The following DIPK1A variants were observed in gnomAD, a reference collection of about 807,000 sequenced individuals.
The protein encoded by DIPK1A is divergent protein kinase domain 1A, also known as family with sequence similarity 69 member A.
In DIPK1A, 27 loss-of-function variants were observed where a neutral mutation model predicts 40.8. The observed-to-expected ratio is 0.66, with a 90% CI of 0.49 to 0.91. The LOEUF (loss-of-function observed/expected upper bound fraction) is 0.91, where lower values mean the gene tolerates loss of function less well. Ranked by LOEUF, DIPK1A falls within the 40% of genes least tolerant of loss-of-function variation. The pLI is 0.00. For missense variants in DIPK1A, 412 were observed against 505.7 expected (o/e 0.81, Z 1.78); for synonymous variants, 166 against 171.3 (o/e 0.97, Z 0.24).
intron 1 of DIPK1A, among the ~76,000 whole-genome samples, chr1:92,961,144 AG>A (rs1652067232): frequency 6.8e-6 from 1 of 146,878 alleles, no homozygotes; most frequent in Admixed American, 6.8e-5. Context: ...CGGGCCCTGG[AG>A]CCCGGCTGGC....
chr1:92,914,254 T>A (rs922030660), intron 1 of DIPK1A, among the ~76,000 whole-genome samples: 2 of 151,988 alleles, frequency 1.3e-5, no homozygotes, highest in South Asian at 2.1e-4. Context: ...GAAAACATTT[T>A]AAAAATGTAA....
At chr1:92,834,677 A>G (rs1434557924) in intron 4 of DIPK1A, 60 of 1,481,066 alleles carry the variant, frequency 4.1e-5, no homozygotes, top group Non-Finnish European at 5.5e-5. Context: ...AGTGATGTTC[A>G]TCTGTGTCCA....
chr1:92,883,549 T>C (rs1648475399), intron 1 of DIPK1A, among the ~76,000 whole-genome samples: 3 of 152,208 alleles, frequency 2.0e-5, no homozygotes, highest in Admixed American at 2.0e-4. Context: ...TCTGAAGGAC[T>C]ATGTGGGTTG....
chr1:92,852,738 C>T (rs1047507113), intron 2 of DIPK1A, among the ~76,000 whole-genome samples: 3 of 151,900 alleles, frequency 2.0e-5, no homozygotes, highest in African/African-American at 7.3e-5. Flanking sequence ...GGATAAAACA[C>T]AGTAAGATTT....
intron 1 of DIPK1A, among the ~76,000 whole-genome samples, chr1:92,904,832 G>A (rs555131056): frequency 6.6e-6 from 1 of 151,678 alleles, no homozygotes; most frequent in African/African-American, 2.4e-5. Flanking sequence ...GTCTCTAATA[G>A]CCATCATTTT....
intron 1 of DIPK1A, among the ~76,000 whole-genome samples, chr1:92,934,565 G>C (rs558582034): frequency 6.6e-6 from 1 of 152,222 alleles, no homozygotes; most frequent in South Asian, 2.1e-4. Flanking sequence ...TACTTGCATA[G>C]TTCAAATGTA....
chr1:92,947,282 T>C (rs769982225), intron 1 of DIPK1A, among the ~76,000 whole-genome samples: 8 of 152,118 alleles, frequency 5.3e-5, no homozygotes, highest in Non-Finnish European at 7.4e-5. Flanking sequence ...TTTTTAAAAG[T>C]ATATAAGCTG....
At chr1:92,886,227 A>C (rs547597728) in intron 1 of DIPK1A, among the ~76,000 whole-genome samples, 9 of 152,082 alleles carry the variant, frequency 5.9e-5, no homozygotes, top group Middle Eastern at 3.4e-3. Flanking sequence ...AGGTACTTGG[A>C]AGGCTGAGGC....
chr1:92,843,795 A>G lies in DIPK1A; in HGVS notation c.875T>C (p.Met292Thr). ...VFHGPYGNFL[M>T]CDTSAKNLGY... ...TAGGTTTTTGGCACTAGTATCGCAC[A>G]TGAGGAAATTTCCGTAGGGGCCATG... Residue 292 changes from methionine to threonine, a missense_variant, in exon 5 of 5, where the codon ATG becomes ACG. By Grantham distance (81) the Met-to-Thr change is moderately conservative. Transcript: ENST00000370310. 2 of 1,551,924 alleles carry G rather than the reference A, an allele frequency of 1.3e-6. No homozygotes were observed. The highest frequency in any genetic ancestry group is 1.2e-5 in the South Asian group (1 of 84,058).
chr1:92,882,851 T>A (rs906188664), intron 1 of DIPK1A, among the ~76,000 whole-genome samples: 1 of 152,224 alleles, frequency 6.6e-6, no homozygotes, highest in African/African-American at 2.4e-5. Flanking sequence ...TTATATACAA[T>A]GTTCCTGAAA....
At chr1:92,844,334 T>A (rs2100707859) in intron 4 of DIPK1A, 139 bp from the exon 5 acceptor site, 1 of 622,044 alleles carries the variant, frequency 1.6e-6, no homozygotes, top group Non-Finnish European at 2.8e-6. Flanking sequence ...TAATGTATTA[T>A]ATCTCCAAAT....
At chr1:92,854,981 T>TG (rs1334367721) in intron 2 of DIPK1A, among the ~76,000 whole-genome samples, 1 of 151,650 alleles carries the variant, frequency 6.6e-6, no homozygotes, top group African/African-American at 2.4e-5. Flanking sequence ...CCACATTCTC[T>TG]GACCACATAT....
chr1:92,915,611 T>C (rs1650022300), intron 1 of DIPK1A, among the ~76,000 whole-genome samples: 1 of 152,194 alleles, frequency 6.6e-6, no homozygotes, highest in South Asian at 2.1e-4. Flanking sequence ...ACAAGCACTG[T>C]GTTAAGAACT....
chr1:92,915,545 T>C (rs772605409), intron 1 of DIPK1A, among the ~76,000 whole-genome samples: 2 of 152,180 alleles, frequency 1.3e-5, no homozygotes, highest in Non-Finnish European at 2.9e-5. Flanking sequence ...TCCCTAATGA[T>C]AGTGATGACA....
At chr1:92,901,422 A>C (rs1193934566) in intron 1 of DIPK1A, among the ~76,000 whole-genome samples, 1 of 151,984 alleles carries the variant, frequency 6.6e-6, no homozygotes, top group Non-Finnish European at 1.5e-5. Context: ...TAGGCTGCCT[A>C]CTGAGCTAGG....
At chr1:92,876,929 T>C (rs1648156619) in intron 1 of DIPK1A, 5 of 941,134 alleles carry the variant, frequency 5.3e-6, no homozygotes, top group Admixed American at 6.2e-5. Context: ...AATTAAGCTC[T>C]ACAGTCATTT....
At chr1:92,926,100 T>G (rs1285089690) in intron 1 of DIPK1A, among the ~76,000 whole-genome samples, 2 of 152,298 alleles carry the variant, frequency 1.3e-5, no homozygotes, top group Non-Finnish European at 2.9e-5. Context: ...TACTTTCTTC[T>G]TTCTTGGGTT....
At chr1:92,945,146 G>T (rs1413802480) in intron 1 of DIPK1A, among the ~76,000 whole-genome samples, 1 of 152,028 alleles carries the variant, frequency 6.6e-6, no homozygotes, top group Non-Finnish European at 1.5e-5. Context: ...CGCAAGCATG[G>T]AGGAGGGAGG....
At chr1:92,907,191 T>C (rs1426417571) in intron 1 of DIPK1A, among the ~76,000 whole-genome samples, 1 of 152,184 alleles carries the variant, frequency 6.6e-6, no homozygotes. Flanking sequence ...ACAGGGCAAC[T>C]AAAGTTAATC....
Sources: allele counts gnomAD v4.1 joint callset (sites outside exome capture counted in the v4.1 genomes callset), GRCh38; gene constraint gnomAD v4.1.1; transcripts MANE v1.5; gene names NCBI Gene and HGNC (gene_info 2026-07-23, HGNC 2026-07-21).